TNFRSF9: variants seen among roughly 807,000 people sequenced by gnomAD.
The protein encoded by TNFRSF9 is TNF receptor superfamily member 9, also known as tumor necrosis factor receptor superfamily member 9.
A neutral mutation model predicts 28.8 loss-of-function variants in TNFRSF9; 16 were observed. The ratio of observed to expected loss-of-function variants is 0.55; its 90% CI spans 0.38 to 0.84. TNFRSF9 has a LOEUF of 0.84. TNFRSF9 is among the 40% of genes least tolerant of loss of function. The pLI is 0.00. For synonymous variants in TNFRSF9, 131 were observed against 117.0 expected (o/e 1.12, Z -0.77); for missense variants, 303 against 315.0 (o/e 0.96, Z 0.29).
In TNFRSF9 at chr1:7,938,325, A is replaced by G. The variant is rs1639852813; in HGVS notation, c.214T>C (p.Phe72Leu). 1.3e-6 allele frequency: 2 copies of G among 1,599,684 alleles called. No individual in the cohort carries two copies. Among genetic ancestry groups the G allele is most frequent in the Non-Finnish European group, 1.7e-6 (2 of 1,173,312 alleles). The change falls in exon 4 of 8, where the codon TTC becomes CTC. Residue 72 changes from phenylalanine to leucine, a missense_variant. Phe to Leu is a conservative substitution (Grantham distance 22). Transcript: ENST00000377507. ...CDICRQCKGVFRTRKECSSTS... is the reference protein window; with the variant it reads ...CDICRQCKGVLRTRKECSSTS... ...GAGGAACACTCCTTCCTGGTCCTGA[A>G]AACACCTACAAAGTCCCCCCAGCCC...
chr1:7,923,678 A>G (rs1222747654), intron 7 of TNFRSF9, among the ~76,000 whole-genome samples: 3 of 152,116 alleles, frequency 2.0e-5, no homozygotes, highest in African/African-American at 7.2e-5. Context: ...TCTCTACAAA[A>G]CATTTAAAAA....
Position 7,918,956 on chromosome 1 carries a change from T to A in TNFRSF9, c.*1879A>T, listed in dbSNP as rs1639519541. On this transcript the variant is annotated 3_prime_UTR_variant, in exon 8 of 8. Transcript: ENST00000377507. ...TTTGAAAAGCAATTTGGTACTGCAG[T>A]AGACTATTGTTCAGAAATATCTTCT... 6.6e-6 allele frequency: 1 copy of A among 152,164 alleles called. No homozygotes were observed. Among genetic ancestry groups the A allele is most frequent in the Admixed American group, 6.6e-5 (1 of 15,262 alleles). The allele number at this position is 152,164 out of a possible 1,614,324, so 9.4% of individuals were successfully genotyped here. A position where few individuals can be genotyped will look rare whatever the true frequency, so the allele number is the denominator to read the frequency against.
At chr1:7,924,294 C>CAT (rs58569630) in intron 7 of TNFRSF9, among the ~76,000 whole-genome samples, 1,552 of 129,448 alleles carry the variant, frequency 0.012, 31 homozygotes, top group African/African-American at 0.029. Flanking sequence ...TAGTATATTC[C>CAT]ATATATATAT....
At chr1:7,936,219 C>T (rs1273023061) in intron 5 of TNFRSF9, among the ~76,000 whole-genome samples, 1 of 152,116 alleles carries the variant, frequency 6.6e-6, no homozygotes, top group Non-Finnish European at 1.5e-5. Flanking sequence ...AGTGCGAGAC[C>T]AGCCTGGCTA....
intron 3 of TNFRSF9, 100 bp downstream of exon 3, chr1:7,938,621 G>C: frequency 9.4e-7 from 1 of 1,060,356 alleles, no homozygotes; most frequent in Non-Finnish European, 1.4e-6. Flanking sequence ...ATCAGTCTTT[G>C]ACACTTGAGA....
At position 7,931,664 on chromosome 1, in the gene TNFRSF9, G is replaced by A. The variant is rs150955332; in HGVS notation, c.679+1498C>T. On this transcript the variant is annotated intron_variant, in intron 7 of 7. Transcript: ENST00000377507. ...GCAAAGAGGGCTGTGATCTAGAAAG[G>A]GCATGCCAAGGGCTTCGGGAATGAG... Among the ~76,000 whole-genome samples the A allele has an allele frequency of 2.0e-5, 3 of 152,280 alleles. No homozygotes were observed. The East Asian group carries it at 5.8e-4, about 29-fold the overall frequency.
rs200625960 is a variant in TNFRSF9 at position 7,935,000 on chromosome 1, A to G, written c.544+13T>C. On this transcript the variant is annotated intron_variant, in intron 6 of 7. Transcript: ENST00000377507. ...AAGATACGCACTTTGGCGTAAAGGC[A>G]TAGCCCAGTTACCTGGCTCTCTCGC... 69 of 1,613,678 alleles carry G rather than the reference A, an allele frequency of 4.3e-5. No individual in the cohort carries two copies. Among genetic ancestry groups the G allele is most frequent in the Non-Finnish European group, 5.7e-5 (67 of 1,179,898 alleles).
intron 7 of TNFRSF9, among the ~76,000 whole-genome samples, chr1:7,928,330 C>A (rs1003801999): frequency 6.6e-6 from 1 of 152,184 alleles, no homozygotes; most frequent in Non-Finnish European, 1.5e-5. Flanking sequence ...CCACACAAAA[C>A]CTGTACATAA....
Position 7,916,563 on chromosome 1 carries a change from CTCTT to C in TNFRSF9, c.*4268_*4271del, listed in dbSNP as rs377112611. The C allele has an allele frequency of 8.5e-4, 129 of 152,286 alleles. No homozygotes were observed. The highest frequency in any genetic ancestry group is 3.0e-3 in the African/African-American group (123 of 41,536). The allele number at this position is 152,286 out of a possible 1,614,324, so 9.4% of individuals were successfully genotyped here. ...CCCAACCCTGTGGGGCATGACCAGT[CTCTT>C]TCTGTTTGTGGATAGTCAGCAGTAG... On this transcript the variant is annotated 3_prime_UTR_variant, in exon 8 of 8. Coordinates refer to ENST00000377507, the MANE Select transcript of TNFRSF9 (RefSeq NM_001561.6).
intron 7 of TNFRSF9, among the ~76,000 whole-genome samples, chr1:7,923,141 T>A (rs1639587158): frequency 6.6e-6 from 1 of 152,046 alleles, no homozygotes; most frequent in Non-Finnish European, 1.5e-5. Flanking sequence ...GACCTTATGA[T>A]CCGCCCATCT....
rs992069782 is a variant in TNFRSF9, at chr1:7,920,068, CCCT to C, written c.*764_*766del. 1 of 152,166 alleles carries C rather than the reference CCCT, an allele frequency of 6.6e-6. No homozygotes were observed. The highest frequency in any genetic ancestry group is 1.5e-5 in the Non-Finnish European group (1 of 68,028). The allele number at this position is 152,166 out of a possible 1,614,324, so 9.4% of individuals were successfully genotyped here. A position where few individuals can be genotyped will look rare whatever the true frequency, so the allele number is the denominator to read the frequency against. ...ACTCAGGCACTCTGCTCATACTCCC[CCCT>C]GACGGTGGAGCATGTCGTGTTACAT... On this transcript the variant is annotated 3_prime_UTR_variant, in exon 8 of 8. Coordinates refer to ENST00000377507, the MANE Select transcript of TNFRSF9 (RefSeq NM_001561.6).
rs756645770 is a variant in TNFRSF9 at position 7,915,956 on chromosome 1, A to T, written c.*4879T>A. On this transcript the variant is annotated 3_prime_UTR_variant, in exon 8 of 8. Transcript: ENST00000377507. ...CTTTTAAATAAAAACGTTGATAAAG[A>T]TCACTCTCCAAGTCCTACCACACAC... 2.6e-5 allele frequency: 4 copies of T among 152,108 alleles called. No homozygotes were observed. Among genetic ancestry groups the T allele is most frequent in the Non-Finnish European group, 4.4e-5 (3 of 68,018 alleles). The allele number at this position is 152,108 out of a possible 1,614,324, so 9.4% of individuals were successfully genotyped here. A position where few individuals can be genotyped will look rare whatever the true frequency, so the allele number is the denominator to read the frequency against.
intron 3 of TNFRSF9, 126 bp from the exon 4 acceptor site, chr1:7,938,456 T>G: frequency 9.0e-7 from 1 of 1,109,312 alleles, no homozygotes; most frequent in Non-Finnish European, 1.2e-6. Context: ...TTTTAAAGTT[T>G]ACTTTTAAAT....
intron 5 of TNFRSF9, chr1:7,936,652 T>C (rs1225907551): frequency 1.3e-5 from 2 of 152,192 alleles, no homozygotes; most frequent in Non-Finnish European, 2.9e-5. Context: ...CACTTTCCAG[T>C]CTGTTACAAA....
At position 7,935,954 on chromosome 1, in the gene TNFRSF9, T is replaced by A. The variant is rs572349698; in HGVS notation, c.414-811A>T. ...TGACACGCTGAGTAAATGGTAGCTATCATTATCACCATCATCGCCATCATT... is the reference window on the plus strand; with the variant it reads ...TGACACGCTGAGTAAATGGTAGCTAACATTATCACCATCATCGCCATCATT... On this transcript the variant is annotated intron_variant, in intron 5 of 7. Transcript: ENST00000377507. Among the ~76,000 whole-genome samples, 18 of 152,284 alleles carry A rather than the reference T, an allele frequency of 1.2e-4. No homozygotes were observed. The South Asian group carries it at 3.7e-3, about 32-fold the overall frequency.
intron 7 of TNFRSF9, among the ~76,000 whole-genome samples, chr1:7,924,632 AAAACAAAC>A (rs757119346): frequency 5.3e-5 from 8 of 152,158 alleles, no homozygotes; most frequent in East Asian, 3.9e-4. Context: ...TCTCAAACAA[AAAACAAAC>A]AAACAAACAA....
At chr1:7,937,498 T>C (rs1021142685) in intron 5 of TNFRSF9, among the ~76,000 whole-genome samples, 192 bp downstream of exon 5, 1 of 152,198 alleles carries the variant, frequency 6.6e-6, no homozygotes, top group African/African-American at 2.4e-5. Flanking sequence ...TTCCAGGCAC[T>C]ATTTCTGGAG....
rs200320091 is a variant in TNFRSF9 at position 7,925,302 on chromosome 1, CA to C, written c.680-4380del. On this transcript the variant is annotated intron_variant, in intron 7 of 7. Coordinates refer to ENST00000377507, the MANE Select transcript of TNFRSF9 (RefSeq NM_001561.6). ...CAGCCTGGGCAGCAAGACCCTGCCTCAAAAAAAAAAAAATTAAAGTTTATGA... is the reference window on the plus strand; with the variant it reads ...CAGCCTGGGCAGCAAGACCCTGCCTCAAAAAAAAAAAATTAAAGTTTATGA... Among the ~76,000 whole-genome samples, 729 of 128,640 alleles carry C rather than the reference CA, an allele frequency of 5.7e-3. 5 individuals are homozygous for C. The highest frequency in any genetic ancestry group is 0.02 in the South Asian group (83 of 4,054). 84.4% of individuals were successfully genotyped at this position (128,640 alleles called of 152,430 possible). A position where few individuals can be genotyped will look rare whatever the true frequency, so the allele number is the denominator to read the frequency against.
In TNFRSF9 at chr1:7,917,865, A is replaced by G. The variant is rs2151408206; in HGVS notation, c.*2970T>C. 6.6e-6 allele frequency: 1 copy of G among 151,714 alleles called. No homozygotes were observed. The highest frequency in any genetic ancestry group is 2.1e-4 in the South Asian group (1 of 4,808). The allele number at this position is 151,714 out of a possible 1,614,324, so 9.4% of individuals were successfully genotyped here. Reference sequence around the variant, plus strand: ...GTTCAAGACCAGCCTGGGCAACATAATGAAACCTCAGAAACCTCACCTCTG... The same window carrying G: ...GTTCAAGACCAGCCTGGGCAACATAGTGAAACCTCAGAAACCTCACCTCTG... On this transcript the variant is annotated 3_prime_UTR_variant, in exon 8 of 8. Coordinates refer to ENST00000377507, the MANE Select transcript of TNFRSF9 (RefSeq NM_001561.6).
Sources: allele counts gnomAD v4.1 joint callset (sites outside exome capture counted in the v4.1 genomes callset), GRCh38; gene constraint gnomAD v4.1.1; transcripts MANE v1.5; gene names NCBI Gene and HGNC (gene_info 2026-07-23, HGNC 2026-07-21).